Variants in POLA2 observed in about 807,000 individuals in gnomAD.
POLA2 encodes DNA polymerase alpha subunit B.
In POLA2, 47 loss-of-function variants were observed where a neutral mutation model predicts 82.8. That is an observed-to-expected ratio of 0.57 (90% CI 0.45 to 0.72). The LOEUF (loss-of-function observed/expected upper bound fraction) is 0.72, where lower values mean the gene tolerates loss of function less well. POLA2 is among the 30% of genes least tolerant of loss of function. The pLI is 0.00. For synonymous variants in POLA2, 287 were observed against 286.8 expected, an observed-to-expected ratio of 1.00 and a Z score of -0.01; for missense variants, 634 against 728.1, an observed-to-expected ratio of 0.87 and a Z score of 1.49.
At chr11:65,273,343 CATG>C in intron 4 of POLA2, among the ~76,000 whole-genome samples, 1 of 152,228 alleles carries the variant, frequency 6.6e-6, no homozygotes, top group East Asian at 1.9e-4. Context: ...AACAAAAAAA[CATG>C]ATGAAATTGG....
chr11:65,297,179 C>T lies in POLA2; in HGVS notation c.1707C>T (p.Gly569=), dbSNP rs983917346. 3.7e-6 allele frequency: 6 copies of T among 1,614,100 alleles called. No individual in the cohort carries two copies. The highest frequency in any genetic ancestry group is 5.1e-6 in the Non-Finnish European group (6 of 1,180,020). ...PGRLTKGQVG[G]TFARLYLRRP... is the part of the protein sequence containing the mutation. ...GCCTTACCAAAGGGCAGGTGGGAGGCACCTTCGCCCGACTCTACCTTAGGA... is the reference window on the plus strand; with the variant it reads ...GCCTTACCAAAGGGCAGGTGGGAGGTACCTTCGCCCGACTCTACCTTAGGA... Residue 569 remains glycine, a synonymous_variant, in exon 18 of 18, where the codon GGC becomes GGT. Transcript: ENST00000265465.
chr11:65,269,876 C>T (rs1949503969), intron 4 of POLA2, among the ~76,000 whole-genome samples: 1 of 152,058 alleles, frequency 6.6e-6, no homozygotes, highest in South Asian at 2.1e-4. Context: ...CTCTTGTTGC[C>T]CAGGCTGGAG....
At chr11:65,302,465 G>A (rs1450367769), downstream of POLA2, among the ~76,000 whole-genome samples, 5 of 152,098 alleles carry the variant, frequency 3.3e-5, no homozygotes, top group African/African-American at 1.2e-4. Flanking sequence ...GCACAAGGGT[G>A]GCACAAGGGG....
chr11:65,269,499 A>AC (rs1230550602), intron 4 of POLA2, among the ~76,000 whole-genome samples: 1 of 151,918 alleles, frequency 6.6e-6, no homozygotes, highest in Non-Finnish European at 1.5e-5. Flanking sequence ...AAAAAAAAAA[A>AC]AAAACAACAA....
rs984351373 is a variant in POLA2 at position 65,266,778 on chromosome 11, T to C, written c.204+72T>C. On this transcript the variant is annotated intron_variant, in intron 2 of 17. Transcript: ENST00000265465. ...GCTCTACAGGGGAGGCATTGTGATATATTGAGAGGAGTGTGGGCTTTCGAG... is the reference window on the plus strand; with the variant it reads ...GCTCTACAGGGGAGGCATTGTGATACATTGAGAGGAGTGTGGGCTTTCGAG... The C allele has an allele frequency of 2.0e-5, 30 of 1,529,054 alleles. No homozygotes were observed. In the South Asian group the frequency reaches 3.3e-4, roughly 17 times the overall value. 94.7% of individuals were successfully genotyped at this position (1,529,054 alleles called of 1,614,324 possible). A position where few individuals can be genotyped will look rare whatever the true frequency, so the allele number is the denominator to read the frequency against.
At chr11:65,267,714 G>A (rs1949476647) in intron 3 of POLA2, 146 bp downstream of exon 3, 2 of 511,608 alleles carry the variant, frequency 3.9e-6, no homozygotes, top group Admixed American at 4.0e-5. Flanking sequence ...GGAGGCCGAG[G>A]CAAGCAGATC....
intron 1 of POLA2, among the ~76,000 whole-genome samples, chr11:65,265,012 C>T (rs1210010177): frequency 6.6e-6 from 1 of 152,194 alleles, no homozygotes; most frequent in African/African-American, 2.4e-5. Flanking sequence ...GGGCGGATCA[C>T]AAGGTCAAGA....
At chr11:65,266,366 TC>T (rs1297664583) in intron 1 of POLA2, 6 of 522,970 alleles carry the variant, frequency 1.1e-5, no homozygotes, top group Non-Finnish European at 2.1e-5. Context: ...CTTTAATTGG[TC>T]CCCCTGATTC....
At chr11:65,299,892 A>T (rs1949850146), downstream of POLA2, among the ~76,000 whole-genome samples, 1 of 152,064 alleles carries the variant, frequency 6.6e-6, no homozygotes, top group South Asian at 2.1e-4. Context: ...GGGTTTCGCC[A>T]TCTTGGCCAG....
At chr11:65,301,440 T>A (rs1309528533), downstream of POLA2, among the ~76,000 whole-genome samples, 1 of 151,482 alleles carries the variant, frequency 6.6e-6, no homozygotes, top group Non-Finnish European at 1.5e-5. Context: ...GGAGAGGGGC[T>A]CAGGGGAGGG....
At chr11:65,291,463 CT>C (rs1332677933) in intron 13 of POLA2, among the ~76,000 whole-genome samples, 1 of 152,188 alleles carries the variant, frequency 6.6e-6, no homozygotes, top group Non-Finnish European at 1.5e-5. Context: ...CTGCCCTTTC[CT>C]CCCCTGCCTC....
rs1365032473 is a variant in POLA2, at chr11:65,281,655, G to T, written c.901-15G>T. 1 of 1,604,654 alleles carries T rather than the reference G, an allele frequency of 6.2e-7. No homozygotes were observed. The highest frequency in any genetic ancestry group is 1.1e-5 in the South Asian group (1 of 90,866). Reference sequence around the variant, plus strand: ...TCTCCACTGCTTAGCAATCCTGTTTGTTTTTGTCTTTCAGGTTGTAATTAT... The same window carrying T: ...TCTCCACTGCTTAGCAATCCTGTTTTTTTTTGTCTTTCAGGTTGTAATTAT... On this transcript the variant is annotated splice_polypyrimidine_tract_variant and intron_variant, in intron 8 of 17. Coordinates refer to ENST00000265465, the MANE Select transcript of POLA2 (RefSeq NM_002689.4).
intron 15 of POLA2, chr11:65,294,924 A>G (rs1949793930): frequency 5.9e-6 from 2 of 339,042 alleles, no homozygotes; most frequent in Non-Finnish European, 1.1e-5. Flanking sequence ...ATCAAAATTC[A>G]TCTACATTTT....
In POLA2 at chr11:65,269,039, T is replaced by G. The variant is rs373915366; in HGVS notation, c.354+310T>G. On this transcript the variant is annotated intron_variant, in intron 4 of 17. Coordinates refer to ENST00000265465, the MANE Select transcript of POLA2 (RefSeq NM_002689.4). ...TTGAATAATTCAGTTCTGTGTTGGA[T>G]CCCAGTGTGAAAGGTCAAGTAGGGT... 7.5e-4 allele frequency among the ~76,000 whole-genome samples: 114 copies of G among 152,342 alleles called. 4 individuals are homozygous for G. The South Asian group carries it at 0.023, about 31-fold the overall frequency.
chr11:65,279,561 C>A lies in POLA2; in HGVS notation c.679C>A (p.Leu227Ile). 1 of 1,613,320 alleles carries A rather than the reference C, an allele frequency of 6.2e-7. No homozygotes were observed. Among genetic ancestry groups the A allele is most frequent in the Middle Eastern group, 1.7e-4 (1 of 6,058 alleles). ...REVLTCKIEE[L>I]GSELKEHYKI... ...AGTTCTGACCTGTAAGATAGAAGAA[C>A]TTGGCAGCGAACTCAAGGAACATTA... The change falls in exon 7 of 18, where the codon CTT becomes ATT. Residue 227 changes from leucine (L) to isoleucine (I), a missense_variant. Physicochemically the swap from Leu to Ile is conservative, Grantham distance 5. Transcript: ENST00000265465.
rs1403375815 is a variant in POLA2, at chr11:65,297,741, C to T, written c.*472C>T. 1 of 151,298 alleles carries T rather than the reference C, an allele frequency of 6.6e-6. No homozygotes were observed. Among genetic ancestry groups the T allele is most frequent in the African/African-American group, 2.4e-5 (1 of 40,918 alleles). 9.4% of individuals were successfully genotyped at this position (151,298 alleles called of 1,614,324 possible). A position where few individuals can be genotyped will look rare whatever the true frequency, so the allele number is the denominator to read the frequency against. The stretch of plus-strand genomic sequence containing the variant: ...TCTCGGCTCACTGCAAGCTCTGCCG[C>T]CCGGGTTCATGCCATTCTCCTGCCT... On this transcript the variant is annotated 3_prime_UTR_variant, in exon 18 of 18. Coordinates refer to ENST00000265465, the MANE Select transcript of POLA2 (RefSeq NM_002689.4).
intron 13 of POLA2, among the ~76,000 whole-genome samples, chr11:65,293,579 G>T (rs537124545): frequency 1.3e-5 from 2 of 150,104 alleles, no homozygotes; most frequent in African/African-American, 4.9e-5. Context: ...ACTGCACTCC[G>T]GCCTGGGCGA....
Position 65,294,188 on chromosome 11 carries a change from G to A in POLA2, c.1280G>A (p.Arg427Lys). 1.2e-6 allele frequency: 2 copies of A among 1,614,116 alleles called. No individual in the cohort carries two copies. The highest frequency in any genetic ancestry group is 1.7e-6 in the Non-Finnish European group (2 of 1,180,028). ...GSHLVFVPSL[R>K]DVHHEPVYPQ... ...CACCTTGTCTTTGTCCCGTCATTGA[G>A]AGATGTGCACCATGAGCCTGTGTAC... Residue 427 changes from arginine (R) to lysine (K), a missense_variant, in exon 14 of 18, where the codon AGA (arginine) becomes AAA (lysine). Transcript: ENST00000265465.
chr11:65,298,345 A>G lies in POLA2; in HGVS notation c.*1076A>G, dbSNP rs1459759446. ...CCAGGGCTTGCCTGCAGCCCAGAAC[A>G]CTCAGACAGGGTCAGGCCTTCCAGG... On this transcript the variant is annotated 3_prime_UTR_variant, in exon 18 of 18. Coordinates refer to ENST00000265465, the MANE Select transcript of POLA2 (RefSeq NM_002689.4). 1 of 152,298 alleles carries G rather than the reference A, an allele frequency of 6.6e-6. No homozygotes were observed. Among genetic ancestry groups the G allele is most frequent in the African/African-American group, 2.4e-5 (1 of 41,446 alleles). The allele number at this position is 152,298 out of a possible 1,614,324, so 9.4% of individuals were successfully genotyped here. A position where few individuals can be genotyped will look rare whatever the true frequency, so the allele number is the denominator to read the frequency against.
Sources: gnomAD v4.1 joint callset for allele counts (sites outside exome capture counted in the v4.1 genomes callset) on GRCh38, gnomAD v4.1.1 for gene constraint, MANE v1.5 for transcripts, NCBI Gene and HGNC (gene_info 2026-07-23, HGNC 2026-07-21) for gene names.